INTU: variants seen among roughly 807,000 people sequenced by gnomAD.
INTU encodes inturned planar cell polarity protein.
A neutral mutation model predicts 100.5 loss-of-function variants in INTU; 68 were observed. The observed-to-expected ratio is 0.68, with a 90% confidence interval of 0.56 to 0.83. The LOEUF (loss-of-function observed/expected upper bound fraction) is 0.83. INTU is among the 40% of genes least tolerant of loss of function. The probability of loss-of-function intolerance (pLI) is 0.00; values close to 1 mark genes in which losing one functional copy is unlikely to be tolerated. For missense variants in INTU, 1,071 were observed against 1,114.7 expected, an observed-to-expected ratio of 0.96 and a Z score of 0.56; for synonymous variants, 357 against 395.7, an observed-to-expected ratio of 0.90 and a Z score of 1.16.
At chr4:127,692,471 T>C (rs568474319) in intron 8 of INTU, among the ~76,000 whole-genome samples, 2 of 152,340 alleles carry the variant, frequency 1.3e-5, no homozygotes, top group East Asian at 1.9e-4. Context: ...TTTGAGTTCC[T>C]TGTAGATTCT....
chr4:127,661,222 G>A (rs1482708903), intron 3 of INTU, among the ~76,000 whole-genome samples: 1 of 152,078 alleles, frequency 6.6e-6, no homozygotes, highest in Non-Finnish European at 1.5e-5. Flanking sequence ...GATGTTGTTT[G>A]CCAAGTATAA....
chr4:127,636,274 A>C (rs991847666), intron 1 of INTU, among the ~76,000 whole-genome samples: 5 of 151,860 alleles, frequency 3.3e-5, no homozygotes, highest in African/African-American at 1.2e-4. Context: ...CTGAAGAAAA[A>C]AAAAGTTCTT....
chr4:127,716,300 A>G (rs1731259655), intron 15 of INTU, 25 bp from the exon 16 acceptor site: 3 of 1,091,560 alleles, frequency 2.7e-6, no homozygotes, highest in Non-Finnish European at 4.0e-6. Context: ...AATTTCTGAA[A>G]TGAGTGTGTT....
chr4:127,672,203 C>T (rs978637118), intron 5 of INTU, among the ~76,000 whole-genome samples: 27 of 152,188 alleles, frequency 1.8e-4, no homozygotes, highest in African/African-American at 6.5e-4. Flanking sequence ...CAGATATGCG[C>T]AACCCTCATC....
chr4:127,642,967 G>A (rs1215550895), intron 1 of INTU, among the ~76,000 whole-genome samples: 2 of 152,024 alleles, frequency 1.3e-5, no homozygotes, highest in African/African-American at 2.4e-5. Flanking sequence ...ACAGATTTTA[G>A]TTCATGGTGA....
intron 6 of INTU, among the ~76,000 whole-genome samples, chr4:127,682,304 C>T (rs1463623039): frequency 1.3e-5 from 2 of 151,920 alleles, no homozygotes; most frequent in South Asian, 2.1e-4. Context: ...CACATGCACA[C>T]GTATGTTTAT....
In INTU at chr4:127,633,199, G is replaced by A. The variant is rs1726915401; in HGVS notation, c.146+19G>A. The A allele has an allele frequency of 6.2e-7, 1 of 1,610,558 alleles. No homozygotes were observed. Among genetic ancestry groups the A allele is most frequent in the East Asian group, 2.2e-5 (1 of 44,770 alleles). ...ATTATGAGTAAGGTTTTCAAAGAGGGACAATTAATCCCATCCCATCAATCC... is the reference window on the plus strand; with the variant it reads ...ATTATGAGTAAGGTTTTCAAAGAGGAACAATTAATCCCATCCCATCAATCC... On this transcript the variant is annotated intron_variant, in intron 1 of 15. Coordinates refer to ENST00000335251, the MANE Select transcript of INTU (RefSeq NM_015693.4).
intron 1 of INTU, among the ~76,000 whole-genome samples, chr4:127,642,445 G>T (rs1314092986): frequency 6.6e-6 from 1 of 152,134 alleles, no homozygotes; most frequent in Non-Finnish European, 1.5e-5. Context: ...TATTTTGGGG[G>T]CTAATTTTCA....
Position 127,719,634 on chromosome 4 carries a change from C to A in INTU, c.*3198C>A, listed in dbSNP as rs530381362. 6.6e-6 allele frequency: 1 copy of A among 152,186 alleles called. No individual in the cohort carries two copies. The highest frequency in any genetic ancestry group is 6.5e-5 in the Admixed American group (1 of 15,284). The allele number at this position is 152,186 out of a possible 1,614,324, so 9.4% of individuals were successfully genotyped here. On this transcript the variant is annotated 3_prime_UTR_variant, in exon 16 of 16. Coordinates refer to ENST00000335251, the MANE Select transcript of INTU (RefSeq NM_015693.4). ...TCCTGGGCTTTTTTTGGTTGGTAGC[C>A]TATTAATTACTGCCTCAATTTCAGA... is the stretch of plus-strand genomic sequence containing the variant.
chr4:127,633,106 A>T lies in INTU; in HGVS notation c.72A>T (p.Glu24Asp). ...TCCCTGGAGACCCCTCTTCACAAGA[A>T]GAAGATGAGGACTATGATTTTGAAG... ...DELPGDPSSQ[E>D]EDEDYDFEDR... The change falls in exon 1 of 16, where the codon GAA becomes GAT. Residue 24 changes from glutamate to aspartate, a missense_variant. Glu to Asp is a conservative substitution (Grantham distance 45). Coordinates refer to ENST00000335251, the MANE Select transcript of INTU (RefSeq NM_015693.4). The T allele has an allele frequency of 1.9e-6, 3 of 1,614,086 alleles. No homozygotes were observed. Among genetic ancestry groups the T allele is most frequent in the Non-Finnish European group, 2.5e-6 (3 of 1,179,936 alleles).
At chr4:127,688,971 C>CTTTTTTTTTTTTTTTTTTTT (rs763570146) in intron 8 of INTU, among the ~76,000 whole-genome samples, 1 of 88,026 alleles carries the variant, frequency 1.1e-5, no homozygotes, top group East Asian at 3.4e-4. Context: ...TTCTTTCTTT[C>CTTTTTTTTTTTTTTTTTTTT]TTTTTTTTTT....
intron 6 of INTU, 91 bp downstream of exon 6, chr4:127,674,304 A>T: frequency 1.0e-6 from 1 of 959,410 alleles, no homozygotes; most frequent in Non-Finnish European, 1.6e-6. Context: ...CAAAAGACAA[A>T]CTCCTTGAAC....
Position 127,636,195 on chromosome 4 carries a change from G to A in INTU, c.146+3015G>A, listed in dbSNP as rs78749241. Among the ~76,000 whole-genome samples the A allele has an allele frequency of 2.6e-3, 388 of 152,138 alleles. 15 individuals are homozygous for A. The East Asian group carries it at 0.066, about 26-fold the overall frequency. On this transcript the variant is annotated intron_variant, in intron 1 of 15. Transcript: ENST00000335251. Reference sequence around the variant, plus strand: ...GAGGCGGGAGGATCACTTAAGCTCAGGGTTTCAAGGTTGCAGTGAGCTGTG... The same window carrying A: ...GAGGCGGGAGGATCACTTAAGCTCAAGGTTTCAAGGTTGCAGTGAGCTGTG...
In INTU at chr4:127,663,699, G is replaced by A. The variant is rs564540002; in HGVS notation, c.972+115G>A. On this transcript the variant is annotated intron_variant, in intron 4 of 15. Coordinates refer to ENST00000335251, the MANE Select transcript of INTU (RefSeq NM_015693.4). ...GTGAGTATATTTGATTTAAGCAAGA[G>A]ACAAAAATGAATTAACTGTTTTTCT... 8.3e-6 allele frequency: 6 copies of A among 722,082 alleles called. 1 individual carries two copies. In the South Asian group the frequency reaches 1.2e-4, roughly 14 times the overall value. 44.7% of individuals were successfully genotyped at this position (722,082 alleles called of 1,614,324 possible).
chr4:127,719,018 T>C lies in INTU; in HGVS notation c.*2582T>C, dbSNP rs1395474911. 1 of 152,174 alleles carries C rather than the reference T, an allele frequency of 6.6e-6. No homozygotes were observed. The highest frequency in any genetic ancestry group is 1.5e-5 in the Non-Finnish European group (1 of 68,024). The allele number at this position is 152,174 out of a possible 1,614,324, so 9.4% of individuals were successfully genotyped here. On this transcript the variant is annotated 3_prime_UTR_variant, in exon 16 of 16. Coordinates refer to ENST00000335251, the MANE Select transcript of INTU (RefSeq NM_015693.4). The stretch of plus-strand genomic sequence containing the variant: ...TTGCCCTGGCCAGGACTTCCAATAC[T>C]ATGTTGAATAGTGGTGAGAGAGGTC...
At chr4:127,702,214 A>G (rs1578627043) in intron 9 of INTU, among the ~76,000 whole-genome samples, 2 of 152,292 alleles carry the variant, frequency 1.3e-5, no homozygotes. Flanking sequence ...AAAGAAAACC[A>G]TAATTCATAA....
rs546054513 is a variant in INTU, at chr4:127,639,508, TTTG to T, written c.147-3998_147-3996del. The stretch of plus-strand genomic sequence containing the variant: ...TGAAAGGTTAGGTTTTTGTGGGTTT[TTTG>T]TTGTTGTTGTTGTTAACACATCCCC... On this transcript the variant is annotated intron_variant, in intron 1 of 15. Transcript: ENST00000335251. 2.2e-3 allele frequency among the ~76,000 whole-genome samples: 339 copies of T among 152,218 alleles called. 2 individuals are homozygous for T. Among genetic ancestry groups the T allele is most frequent in the Non-Finnish European group, 2.5e-3 (169 of 67,986 alleles).
intron 2 of INTU, among the ~76,000 whole-genome samples, chr4:127,655,971 G>T (rs1728191797): frequency 1.3e-5 from 2 of 152,216 alleles, no homozygotes; most frequent in Non-Finnish European, 2.9e-5. Flanking sequence ...ATTCGGGTGG[G>T]AGTGACCCGA....
In INTU at chr4:127,687,825, C is replaced by A. The variant is rs1414237811; in HGVS notation, c.1407C>A (p.Asn469Lys). Residue 469 changes from asparagine to lysine, a missense_variant, in exon 8 of 16, where the codon AAC becomes AAA. By Grantham distance (94) the Asn-to-Lys change is moderately conservative. Transcript: ENST00000335251. ...CTTCCAGTGCAGTACTTTTAGACAA[C>A]CTCCCTGGAGTCCGGTGGCTCACAC... ...YDASSAVLLD[N>K]LPGVRWLTLP... is the part of the protein sequence containing the mutation. 3.7e-6 allele frequency: 6 copies of A among 1,602,904 alleles called. No individual in the cohort carries two copies. The highest frequency in any genetic ancestry group is 5.1e-6 in the Non-Finnish European group (6 of 1,172,942).
Sources: gnomAD v4.1 joint callset for allele counts (sites outside exome capture counted in the v4.1 genomes callset) on GRCh38, gnomAD v4.1.1 for gene constraint, MANE v1.5 for transcripts, NCBI Gene and HGNC (gene_info 2026-07-23, HGNC 2026-07-21) for gene names.